Variants in IFT43 observed in about 807,000 individuals in gnomAD.
IFT43 encodes the protein intraflagellar transport protein 43 homolog.
A neutral mutation model predicts 32.3 loss-of-function variants in IFT43; 33 were observed. The ratio of observed to expected loss-of-function variants is 1.02; its 90% CI spans 0.77 to 1.37. The LOEUF is 1.37. Among genes scored for constraint, IFT43 ranks in the 40% most tolerant of loss-of-function variants. IFT43 has a pLI of 0.00. For synonymous variants in IFT43, 93 were observed against 98.2 expected (o/e 0.95, Z 0.31); for missense variants, 274 against 265.9 (o/e 1.03, Z -0.21).
intron 3 of IFT43, among the ~76,000 whole-genome samples, chr14:76,023,819 G>A (rs1161078100): frequency 2.6e-5 from 4 of 152,192 alleles, no homozygotes; most frequent in Non-Finnish European, 5.9e-5. Flanking sequence ...CTTTAATTGT[G>A]AACTACATTA....
At chr14:76,012,286 T>C (rs1258295576) in intron 2 of IFT43, among the ~76,000 whole-genome samples, 3 of 152,188 alleles carry the variant, frequency 2.0e-5, no homozygotes, top group Admixed American at 1.3e-4. Context: ...TGCAGCATCT[T>C]TTCTGTTTTG....
intron 5 of IFT43, among the ~76,000 whole-genome samples, chr14:76,079,034 C>T (rs781595999): frequency 6.6e-6 from 1 of 152,198 alleles, no homozygotes; most frequent in Non-Finnish European, 1.5e-5. Flanking sequence ...GAAGAGAGGA[C>T]ATTAAGTTTC....
At chr14:76,055,200 G>T (rs1299857715) in intron 3 of IFT43, among the ~76,000 whole-genome samples, 1 of 151,926 alleles carries the variant, frequency 6.6e-6, no homozygotes, top group African/African-American at 2.4e-5. Context: ...AAAAAAATTA[G>T]CCAGGCACGG....
intron 2 of IFT43, among the ~76,000 whole-genome samples, chr14:75,998,408 A>G (rs1282832241): frequency 2.0e-5 from 3 of 152,232 alleles, no homozygotes; most frequent in East Asian, 1.9e-4. Flanking sequence ...TGGAAGCCCA[A>G]CACTCTAAGA....
intron 3 of IFT43, among the ~76,000 whole-genome samples, chr14:76,027,220 A>C (rs1014836891): frequency 7.2e-5 from 11 of 152,116 alleles, no homozygotes; most frequent in African/African-American, 2.7e-4. Flanking sequence ...GCACATGTAC[A>C]CCTGAACTTA....
At chr14:76,011,467 G>GCTAA (rs1218954425) in intron 2 of IFT43, among the ~76,000 whole-genome samples, 1 of 152,198 alleles carries the variant, frequency 6.6e-6, no homozygotes, top group East Asian at 1.9e-4. Flanking sequence ...TGTTAATGCT[G>GCTAA]CTAAGTTTGA....
chr14:76,042,387 G>T (rs1555365829), intron 3 of IFT43, among the ~76,000 whole-genome samples: 4 of 152,178 alleles, frequency 2.6e-5, no homozygotes, highest in Non-Finnish European at 5.9e-5. Context: ...GCTGCCTTCT[G>T]TTTTTATGCC....
chr14:76,059,259 A>G (rs771146023), intron 4 of IFT43, 68 bp from the exon 5 acceptor site: 68 of 1,612,718 alleles, frequency 4.2e-5, no homozygotes, highest in Non-Finnish European at 5.0e-5. Context: ...TACAATAAAC[A>G]TTTGGGATGT....
intron 2 of IFT43, among the ~76,000 whole-genome samples, chr14:76,012,860 C>T (rs1290752932): frequency 6.6e-6 from 1 of 152,228 alleles, no homozygotes; most frequent in African/African-American, 2.4e-5. Flanking sequence ...GGGGCTGTGC[C>T]TCTGAATTTC....
intron 3 of IFT43, among the ~76,000 whole-genome samples, chr14:76,056,014 G>A (rs1322378243): frequency 6.6e-6 from 1 of 152,126 alleles, no homozygotes; most frequent in East Asian, 1.9e-4. Context: ...AAACTAAAAA[G>A]TTAAGAGTCC....
At chr14:76,050,547 C>T (rs765789032) in intron 3 of IFT43, among the ~76,000 whole-genome samples, 1 of 152,034 alleles carries the variant, frequency 6.6e-6, no homozygotes, top group Non-Finnish European at 1.5e-5. Flanking sequence ...GTCTTAAACT[C>T]GTGGGCTGAA....
chr14:76,045,991 C>T (rs1436901995), intron 3 of IFT43, among the ~76,000 whole-genome samples: 1 of 152,136 alleles, frequency 6.6e-6, no homozygotes, highest in Non-Finnish European at 1.5e-5. Context: ...GATGAGACTG[C>T]CCTACTATAA....
In IFT43 at chr14:75,985,857, G is replaced by A. The variant is rs940544781; in HGVS notation, c.54+17G>A. On this transcript the variant is annotated intron_variant, in intron 1 of 8. Coordinates refer to ENST00000314067, the MANE Select transcript of IFT43 (RefSeq NM_001102564.3). ...GCTACCTCCGTGAGGACCAATTCGG[G>A]GGCCTTGGGGGCCAGGATTTGGCGG... 2.5e-6 allele frequency: 4 copies of A among 1,613,434 alleles called. No homozygotes were observed. The highest frequency in any genetic ancestry group is 2.2e-5 in the East Asian group (1 of 44,876).
chr14:76,056,363 T>C (rs143860392), intron 3 of IFT43, among the ~76,000 whole-genome samples: 10 of 152,322 alleles, frequency 6.6e-5, no homozygotes, highest in East Asian at 3.9e-4. Context: ...GTCCTTGGGC[T>C]CCCCCTAGAG....
At chr14:76,058,755 TC>T in intron 4 of IFT43, 81 bp downstream of exon 4, 1 of 1,605,630 alleles carries the variant, frequency 6.2e-7, no homozygotes, top group Non-Finnish European at 8.5e-7. Flanking sequence ...CATGATCTGT[TC>T]CACCTATGTT....
At chr14:76,048,309 C>T (rs190533346) in intron 3 of IFT43, among the ~76,000 whole-genome samples, 1 of 152,290 alleles carries the variant, frequency 6.6e-6, no homozygotes, top group Admixed American at 6.5e-5. Flanking sequence ...AAAAAAACTT[C>T]CAAGGAAAAA....
rs369651165 is a variant in IFT43, at chr14:75,985,863, T to TG, written c.54+28dup. 6.2e-6 allele frequency: 10 copies of TG among 1,612,504 alleles called. No individual in the cohort carries two copies. The African/African-American group carries it at 6.7e-5, about 11-fold the overall frequency. On this transcript the variant is annotated intron_variant, in intron 1 of 8. Transcript: ENST00000314067. ...TCCGTGAGGACCAATTCGGGGGCCT[T>TG]GGGGGCCAGGATTTGGCGGGTGGGG...
chr14:76,057,140 A>T (rs2037033489), intron 3 of IFT43, among the ~76,000 whole-genome samples: 1 of 152,226 alleles, frequency 6.6e-6, no homozygotes, highest in Non-Finnish European at 1.5e-5. Flanking sequence ...CTTCCTTTTT[A>T]AAAATGGTAC....
intron 5 of IFT43, among the ~76,000 whole-genome samples, chr14:76,072,601 GT>G (rs944051011): frequency 6.6e-6 from 1 of 152,200 alleles, no homozygotes; most frequent in Non-Finnish European, 1.5e-5. Context: ...ACGCGTGCAT[GT>G]TTTAAACGAA....
Sources: allele counts gnomAD v4.1 joint callset (sites outside exome capture counted in the v4.1 genomes callset), GRCh38; gene constraint gnomAD v4.1.1; transcripts MANE v1.5; gene names NCBI Gene and HGNC (gene_info 2026-07-23, HGNC 2026-07-21).